ZCWPW2: variants seen among roughly 807,000 people sequenced by gnomAD.
The protein encoded by ZCWPW2 is zinc finger CW-type PWWP domain protein 2.
A neutral mutation model predicts 46.6 loss-of-function variants in ZCWPW2; 45 were observed. The observed-to-expected ratio is 0.96, with a 90% CI of 0.76 to 1.24. ZCWPW2 has a LOEUF of 1.24. Among genes scored for constraint, ZCWPW2 ranks in the 50% most tolerant of loss-of-function variants. The pLI is 0.00. For missense variants in ZCWPW2, 429 were observed against 403.9 expected (o/e 1.06, Z -0.53); for synonymous variants, 152 against 137.1 (o/e 1.11, Z -0.76).
intron 4 of ZCWPW2, among the ~76,000 whole-genome samples, chr3:28,467,251 G>A (rs1234144942): frequency 2.0e-5 from 3 of 149,170 alleles, no homozygotes; most frequent in Non-Finnish European, 4.4e-5. Flanking sequence ...AGACTTACAT[G>A]AACAAAAAAG....
chr3:28,501,688 C>T (rs1270366799), intron 6 of ZCWPW2, among the ~76,000 whole-genome samples: 3 of 152,162 alleles, frequency 2.0e-5, no homozygotes, highest in African/African-American at 7.2e-5. Flanking sequence ...AAAGTTTCCT[C>T]ATGTAAATTG....
intron 2 of ZCWPW2, among the ~76,000 whole-genome samples, chr3:28,406,987 C>T (rs1696191069): frequency 1.3e-5 from 2 of 151,944 alleles, no homozygotes; most frequent in African/African-American, 4.8e-5. Context: ...CTATAACACC[C>T]AGCTAATTTA....
At chr3:28,426,280 G>T (rs940098856) in intron 3 of ZCWPW2, among the ~76,000 whole-genome samples, 1 of 151,448 alleles carries the variant, frequency 6.6e-6, no homozygotes, top group Non-Finnish European at 1.5e-5. Context: ...ATTGTATTTG[G>T]CTAGGAAGAG....
intron 3 of ZCWPW2, among the ~76,000 whole-genome samples, chr3:28,416,932 G>GGATTT (rs1434722791): frequency 1.4e-5 from 2 of 144,578 alleles, no homozygotes; most frequent in African/African-American, 5.2e-5. Context: ...ATTTTATTGA[G>GGATTT]GATTTCTGCA....
chr3:28,361,702 A>G (rs372418309), intron 1 of ZCWPW2, among the ~76,000 whole-genome samples: 13 of 152,200 alleles, frequency 8.5e-5, no homozygotes, highest in African/African-American at 2.9e-4. Flanking sequence ...AAACCTGATT[A>G]AAAATGGCAA....
chr3:28,513,838 G>A (rs1048093997), intron 6 of ZCWPW2, among the ~76,000 whole-genome samples: 5 of 151,984 alleles, frequency 3.3e-5, no homozygotes, highest in African/African-American at 9.6e-5. Context: ...GGATAATATG[G>A]GAGGTAGGCA....
intron 1 of ZCWPW2, among the ~76,000 whole-genome samples, chr3:28,354,667 G>A (rs1404229282): frequency 4.3e-5 from 4 of 92,442 alleles, no homozygotes; most frequent in Non-Finnish European, 6.8e-5. Flanking sequence ...GATCAAGTGG[G>A]CTTCATCCCT....
intron 1 of ZCWPW2, among the ~76,000 whole-genome samples, chr3:28,381,745 C>G (rs926619740): frequency 4.6e-5 from 7 of 152,032 alleles, no homozygotes; most frequent in Non-Finnish European, 1.0e-4. Context: ...ATGATCCCAC[C>G]ACTGCACCCA....
intron 1 of ZCWPW2, among the ~76,000 whole-genome samples, chr3:28,381,132 G>A (rs965880014): frequency 7.2e-6 from 1 of 139,764 alleles, no homozygotes; most frequent in South Asian, 2.3e-4. Flanking sequence ...TCTCTTGAAA[G>A]GATGGCAGAT....
intron 1 of ZCWPW2, among the ~76,000 whole-genome samples, chr3:28,349,606 G>GATAGACCTAGAT (rs1704456317): frequency 6.6e-6 from 1 of 152,114 alleles, no homozygotes; most frequent in Non-Finnish European, 1.5e-5. Flanking sequence ...CCACCACCTT[G>GATAGACCTAGAT]GTTATTTCTA....
At position 28,362,158 on chromosome 3, in the gene ZCWPW2, G is replaced by A. The variant is rs1370243982; in HGVS notation, c.-134+12955G>A. 2.0e-5 allele frequency among the ~76,000 whole-genome samples: 3 copies of A among 151,832 alleles called. No homozygotes were observed. The East Asian group carries it at 5.8e-4, about 29-fold the overall frequency. The stretch of plus-strand genomic sequence containing the variant: ...GCAGATAAATGGATAAAGAAAATGT[G>A]GTGTATAAATGGAATGGAATATCCT... On this transcript the variant is annotated intron_variant, in intron 1 of 9. Coordinates refer to ENST00000383768, the MANE Select transcript of ZCWPW2 (RefSeq NM_001040432.4).
intron 6 of ZCWPW2, among the ~76,000 whole-genome samples, chr3:28,507,246 G>T (rs1238909807): frequency 6.6e-6 from 1 of 152,100 alleles, no homozygotes; most frequent in Admixed American, 6.6e-5. Context: ...AGTAGAAAAA[G>T]AATTAATTTT....
chr3:28,375,002 C>T (rs530591916), intron 1 of ZCWPW2, among the ~76,000 whole-genome samples: 1 of 151,990 alleles, frequency 6.6e-6, no homozygotes, highest in African/African-American at 2.4e-5. Flanking sequence ...TACTTGAGAG[C>T]ACCAGTGGTA....
intron 4 of ZCWPW2, among the ~76,000 whole-genome samples, chr3:28,440,660 G>A (rs1213660516): frequency 6.6e-6 from 1 of 152,200 alleles, no homozygotes; most frequent in African/African-American, 2.4e-5. Flanking sequence ...GGTATGACCA[G>A]TGAATTTTAT....
At chr3:28,469,712 GTATATATATATGATATATATATGTA>G (rs1698966654) in intron 4 of ZCWPW2, among the ~76,000 whole-genome samples, 1 of 150,910 alleles carries the variant, frequency 6.6e-6, no homozygotes, top group Non-Finnish European at 1.5e-5. Flanking sequence ...GTATATGTGT[GTATATATATATGATATATATATGTA>G]TATATATATG....
At chr3:28,445,135 G>A (rs1244236141) in intron 4 of ZCWPW2, among the ~76,000 whole-genome samples, 1 of 150,976 alleles carries the variant, frequency 6.6e-6, no homozygotes, top group Non-Finnish European at 1.5e-5. Context: ...TCTCTAGAGG[G>A]ATGGAACTAA....
chr3:28,385,569 C>T (rs1041730070), intron 1 of ZCWPW2, among the ~76,000 whole-genome samples: 1 of 152,166 alleles, frequency 6.6e-6, no homozygotes, highest in African/African-American at 2.4e-5. Flanking sequence ...TTGACCATAT[C>T]AGTACACATG....
intron 2 of ZCWPW2, 88 bp from the exon 3 acceptor site, chr3:28,412,968 G>A (rs1696462341): frequency 9.6e-7 from 1 of 1,039,984 alleles, no homozygotes. Context: ...AGATATCAAA[G>A]AGGAATTTCT....
chr3:28,466,630 C>A (rs749333467), intron 4 of ZCWPW2, among the ~76,000 whole-genome samples: 29 of 152,038 alleles, frequency 1.9e-4, no homozygotes, highest in Non-Finnish European at 3.4e-4. Flanking sequence ...GAAACCCTGT[C>A]TCTATTAAAA....
Sources: gnomAD v4.1 joint callset for allele counts (sites outside exome capture counted in the v4.1 genomes callset) on GRCh38, gnomAD v4.1.1 for gene constraint, MANE v1.5 for transcripts, NCBI Gene and HGNC (gene_info 2026-07-23, HGNC 2026-07-21) for gene names.